Variants in SRD5A3 observed in about 807,000 individuals in gnomAD.
The protein encoded by SRD5A3 is steroid 5 alpha-reductase 3, also known as polyprenal reductase.
Under a neutral mutation model 34.3 loss-of-function variants are expected in SRD5A3, and 24 were observed. That is an observed-to-expected ratio of 0.70 (90% CI 0.51 to 0.99). The LOEUF is 0.99. Among genes scored for constraint, SRD5A3 ranks in the 50% least tolerant of loss-of-function variants. The probability of loss-of-function intolerance (pLI) is 0.00; values close to 1 mark genes in which losing one functional copy is unlikely to be tolerated. For missense variants in SRD5A3, 350 were observed against 388.2 expected (o/e 0.90, Z 0.83); for synonymous variants, 161 against 167.3 (o/e 0.96, Z 0.29).
At position 55,354,647 on chromosome 4, in the gene SRD5A3, T is replaced by G. The variant is rs530043672; in HGVS notation, c.222-4699T>G. 6.2e-4 allele frequency among the ~76,000 whole-genome samples: 95 copies of G among 152,318 alleles called. 1 individual carries two copies. The highest frequency in any genetic ancestry group is 1.2e-3 in the Admixed American group (18 of 15,300). ...CCAGATAGCCACATGGTTTATCCCC[T>G]CACTTGCTGTAATTCTACTCAAATA... On this transcript the variant is annotated intron_variant, in intron 1 of 4. Coordinates refer to ENST00000264228, the MANE Select transcript of SRD5A3 (RefSeq NM_024592.5).
chr4:55,348,263 A>G (rs1719067173), intron 1 of SRD5A3, among the ~76,000 whole-genome samples: 1 of 152,194 alleles, frequency 6.6e-6, no homozygotes, highest in Admixed American at 6.5e-5. Flanking sequence ...CTCTAAATTT[A>G]AACAGACATT....
intron 2 of SRD5A3, among the ~76,000 whole-genome samples, chr4:55,361,763 C>T (rs1719695334): frequency 1.3e-5 from 2 of 152,154 alleles, no homozygotes; most frequent in Non-Finnish European, 2.9e-5. Context: ...GAGATCATGC[C>T]ACTGCACTCC....
intron 3 of SRD5A3, chr4:55,365,500 G>A (rs1719854076): frequency 6.6e-6 from 1 of 152,284 alleles, no homozygotes; most frequent in Non-Finnish European, 1.5e-5. Context: ...CAGTACCATG[G>A]AAGGGGCTGT....
intron 2 of SRD5A3, among the ~76,000 whole-genome samples, chr4:55,360,076 A>G (rs6554274): frequency 0.75 from 113,898 of 151,712 alleles, 42,986 homozygotes; most frequent in East Asian, 0.89. Context: ...TTAGCTGGGC[A>G]TGGTGGCGGG....
Position 55,370,004 on chromosome 4 carries a change from G to A in SRD5A3, c.870G>A (p.Leu290=). 6.2e-7 allele frequency: 1 copy of A among 1,614,122 alleles called. No individual in the cohort carries two copies. Among genetic ancestry groups the A allele is most frequent in the Non-Finnish European group, 8.5e-7 (1 of 1,180,010 alleles). Residue 290 remains leucine, a synonymous_variant, in exon 5 of 5, where the codon CTG becomes CTA. Coordinates refer to ENST00000264228, the MANE Select transcript of SRD5A3 (RefSeq NM_024592.5). ...CAAATGTCTTCTTTAATCAGGCCCT[G>A]TCTGCCTTTCTCAGCCACCAATTCT... The part of the protein sequence containing the change: ...VVTNVFFNQA[L]SAFLSHQFYK...
intron 2 of SRD5A3, 133 bp from the exon 3 acceptor site, chr4:55,363,941 G>C: frequency 2.2e-6 from 2 of 891,446 alleles, no homozygotes; most frequent in East Asian, 4.8e-5. Flanking sequence ...ACTTCATTTG[G>C]CCCATTTCTT....
intron 1 of SRD5A3, among the ~76,000 whole-genome samples, chr4:55,351,524 C>CA (rs576977778): frequency 6.1e-4 from 89 of 145,086 alleles, no homozygotes; most frequent in African/African-American, 1.4e-3. Context: ...ACAAAAAATA[C>CA]AAAAAAAAAA....
chr4:55,346,417 G>C lies in SRD5A3; in HGVS notation c.81G>C (p.Leu27=), dbSNP rs900104150. The stretch of plus-strand genomic sequence containing the variant: ...GGCTCACGCTGACCGCCGCCTTCCT[G>C]CTGACCCTACTGCTGCAGCTCCTGC... The part of the protein sequence containing the change: ...AVWLTLTAAF[L]LTLLLQLLPP... The change falls in exon 1 of 5, where the codon CTG becomes CTC. Residue 27 remains leucine, a synonymous_variant. Transcript: ENST00000264228. 1.9e-5 allele frequency: 31 copies of C among 1,600,390 alleles called. No individual in the cohort carries two copies. Among genetic ancestry groups the C allele is most frequent in the Non-Finnish European group, 2.6e-5 (31 of 1,174,706 alleles).
chr4:55,354,341 G>GC (rs1719344365), intron 1 of SRD5A3, among the ~76,000 whole-genome samples: 1 of 152,130 alleles, frequency 6.6e-6, no homozygotes, highest in Admixed American at 6.5e-5. Flanking sequence ...CAGGTGATCT[G>GC]CCCTCAGCCT....
Position 55,364,094 on chromosome 4 carries a change from G to T in SRD5A3, c.385G>T (p.Ala129Ser). The T allele has an allele frequency of 6.2e-7, 1 of 1,614,248 alleles. No individual in the cohort carries two copies. The highest frequency in any genetic ancestry group is 1.3e-5 in the African/African-American group (1 of 75,062). Reference protein sequence around the residue: ...QFQGGELALSAFLVLVFLWLH... With the variant: ...QFQGGELALSSFLVLVFLWLH... ...TGTAGGAGGGGAGCTGGCACTGTCT[G>T]CATTCTTAGTGCTAGTATTTCTGTG... is the stretch of plus-strand genomic sequence containing the variant. The change falls in exon 3 of 5, where the codon GCA becomes TCA. Residue 129 changes from alanine to serine, a missense_variant. Ala to Ser is a moderately conservative substitution (Grantham distance 99, BLOSUM62 1). This residue lies in a region of SRD5A3 where 5 missense variants were observed against 17.8 expected (regional missense o/e 0.28). Transcript: ENST00000264228.
In SRD5A3 at chr4:55,372,545, A is replaced by G. The variant is rs1449141930; in HGVS notation, c.*2454A>G. The G allele has an allele frequency of 6.6e-6, 1 of 152,162 alleles. No individual in the cohort carries two copies. Among genetic ancestry groups the G allele is most frequent in the African/African-American group, 2.4e-5 (1 of 41,438 alleles). The allele number at this position is 152,162 out of a possible 1,614,324, so 9.4% of individuals were successfully genotyped here. ...GCGTCACCGATGGGAAATAATTGAGAATTGTGCAGTGCTTGCAGCGTCAGA... is the reference window on the plus strand; with the variant it reads ...GCGTCACCGATGGGAAATAATTGAGGATTGTGCAGTGCTTGCAGCGTCAGA... On this transcript the variant is annotated 3_prime_UTR_variant, in exon 5 of 5. Transcript: ENST00000264228.
intron 1 of SRD5A3, chr4:55,352,258 G>A: frequency 4.4e-6 from 4 of 905,708 alleles, no homozygotes; most frequent in Non-Finnish European, 7.5e-6. Flanking sequence ...CAGGTAGGGT[G>A]TTGGGGAATT....
intron 1 of SRD5A3, among the ~76,000 whole-genome samples, chr4:55,353,211 G>A (rs1299536108): frequency 6.6e-6 from 1 of 152,282 alleles, no homozygotes; most frequent in South Asian, 2.1e-4. Context: ...GTGGAGTGGG[G>A]ACTTAGGGAA....
At chr4:55,357,028 A>G (rs560774648) in intron 1 of SRD5A3, among the ~76,000 whole-genome samples, 1 of 152,110 alleles carries the variant, frequency 6.6e-6, no homozygotes, top group Non-Finnish European at 1.5e-5. Flanking sequence ...TGCAGTTGTT[A>G]TTTCTTCTGC....
chr4:55,367,693 T>C lies in SRD5A3; in HGVS notation c.668T>C (p.Ile223Thr). ...GCCCATCAGTATAAGTGCCATGTTA[T>C]TCTCGGCAATCTCAGGAAAAATAAA... The part of the protein sequence containing the change: ...SSAHQYKCHV[I>T]LGNLRKNKAG... Residue 223 changes from isoleucine (I) to threonine (T), a missense_variant, in exon 4 of 5, where the codon ATT becomes ACT. Coordinates refer to ENST00000264228, the MANE Select transcript of SRD5A3 (RefSeq NM_024592.5). The C allele has an allele frequency of 6.2e-7, 1 of 1,613,954 alleles. No individual in the cohort carries two copies. Among genetic ancestry groups the C allele is most frequent in the Non-Finnish European group, 8.5e-7 (1 of 1,179,788 alleles).
At position 55,372,109 on chromosome 4, in the gene SRD5A3, G is replaced by A. The variant is rs1486098537; in HGVS notation, c.*2018G>A. Reference sequence around the variant, plus strand: ...ATCATTTAGAATTTGCCATTCTCAGGAACAAAACTTTTTGTACATTGGAAA... The same window carrying A: ...ATCATTTAGAATTTGCCATTCTCAGAAACAAAACTTTTTGTACATTGGAAA... On this transcript the variant is annotated 3_prime_UTR_variant, in exon 5 of 5. Transcript: ENST00000264228. The A allele has an allele frequency of 6.6e-6, 1 of 152,118 alleles. No individual in the cohort carries two copies. The highest frequency in any genetic ancestry group is 2.4e-5 in the African/African-American group (1 of 41,406). 9.4% of individuals were successfully genotyped at this position (152,118 alleles called of 1,614,324 possible).
Position 55,370,348 on chromosome 4 carries a change from A to T in SRD5A3, c.*257A>T, listed in dbSNP as rs930236522. 12 of 524,584 alleles carry T rather than the reference A, an allele frequency of 2.3e-5. No homozygotes were observed. Among genetic ancestry groups the T allele is most frequent in the African/African-American group, 3.8e-5 (2 of 52,238 alleles). The allele number at this position is 524,584 out of a possible 1,614,324, so 32.5% of individuals were successfully genotyped here. On this transcript the variant is annotated 3_prime_UTR_variant, in exon 5 of 5. Coordinates refer to ENST00000264228, the MANE Select transcript of SRD5A3 (RefSeq NM_024592.5). The stretch of plus-strand genomic sequence containing the variant: ...CTTTCTGAGATGCTTTCTAAAACCA[A>T]CCAACTGATAAAAAGTAGATGAGAC...
In SRD5A3 at chr4:55,359,358, C is replaced by A; in HGVS notation, c.234C>A (p.His78Gln). ...AFDVPKRYFSHFYIISVLWNG... is the reference protein window; with the variant it reads ...AFDVPKRYFSQFYIISVLWNG... Reference sequence around the variant, plus strand: ...TTTCCTTTTGCAGATATTTTTCCCACTTTTATATCATCTCAGTGCTGTGGA... The same window carrying A: ...TTTCCTTTTGCAGATATTTTTCCCAATTTTATATCATCTCAGTGCTGTGGA... Residue 78 changes from histidine (H) to glutamine (Q), a missense_variant, in exon 2 of 5, where the codon CAC (histidine) becomes CAA (glutamine). Physicochemically the swap from His to Gln is conservative, Grantham distance 24. Transcript: ENST00000264228. 6.2e-7 allele frequency: 1 copy of A among 1,614,094 alleles called. No homozygotes were observed. The highest frequency in any genetic ancestry group is 8.5e-7 in the Non-Finnish European group (1 of 1,180,012).
At chr4:55,363,935 C>T (rs777234476) in intron 2 of SRD5A3, 139 bp from the exon 3 acceptor site, 9 of 861,408 alleles carry the variant, frequency 1.0e-5, no homozygotes, top group Non-Finnish European at 1.8e-5. Context: ...TCCTTGACTT[C>T]ATTTGGCCCA....
Sources: allele counts gnomAD v4.1 joint callset (sites outside exome capture counted in the v4.1 genomes callset), GRCh38; gene constraint gnomAD v4.1.1; regional missense constraint gnomAD v4.1.1; transcripts MANE v1.5; gene names NCBI Gene and HGNC (gene_info 2026-07-23, HGNC 2026-07-21).